GRIA1: variants seen among roughly 807,000 people sequenced by gnomAD.
GRIA1 encodes glutamate ionotropic receptor AMPA type subunit 1.
GRIA1 carries 31 observed loss-of-function variants against 99.2 expected under a neutral mutation model. The observed-to-expected ratio is 0.31, with a 90% CI of 0.23 to 0.42. The LOEUF (loss-of-function observed/expected upper bound fraction) is 0.42, where lower values mean the gene tolerates loss of function less well. GRIA1 is among the 10% of genes least tolerant of loss of function. GRIA1 has a pLI of 1.00. For missense variants in GRIA1, 782 were observed against 1,157.5 expected, an observed-to-expected ratio of 0.68 and a Z score of 4.71; for synonymous variants, 438 against 432.4, an observed-to-expected ratio of 1.01 and a Z score of -0.16.
At chr5:153,810,641 A>G (rs933931545) in intron 15 of GRIA1, among the ~76,000 whole-genome samples, 1 of 152,208 alleles carries the variant, frequency 6.6e-6, no homozygotes, top group African/African-American at 2.4e-5. Flanking sequence ...CATAACCAGA[A>G]CTAGAATCCA....
At chr5:153,626,607 A>T (rs1459693933) in intron 2 of GRIA1, among the ~76,000 whole-genome samples, 1 of 152,154 alleles carries the variant, frequency 6.6e-6, no homozygotes, top group Admixed American at 6.6e-5. Context: ...ACATTGGCAC[A>T]TTAGTTTCAG....
intron 13 of GRIA1, among the ~76,000 whole-genome samples, chr5:153,773,714 C>T (rs985436934): frequency 1.3e-5 from 2 of 152,054 alleles, no homozygotes; most frequent in African/African-American, 4.8e-5. Flanking sequence ...AATGAAAAAG[C>T]AACATGTTTC....
In GRIA1 at chr5:153,517,978, C is replaced by T. The variant is rs143068842; in HGVS notation, c.220+23913C>T. ...CCTCTCTCATGTAACTGGATTTCAG[C>T]CTTCCAGGCCTTCCTTCAGTTCCTT... On this transcript the variant is annotated intron_variant, in intron 2 of 15. Transcript: ENST00000285900. Among the ~76,000 whole-genome samples, 15 of 152,344 alleles carry T rather than the reference C, an allele frequency of 9.8e-5. No homozygotes were observed. In the East Asian group the frequency reaches 2.1e-3, roughly 22 times the overall value.
At position 153,811,215 on chromosome 5, in the gene GRIA1, C is replaced by G. The variant is rs756806575; in HGVS notation, c.2711C>G (p.Thr904Arg). Residue 904 changes from threonine (T) to arginine (R), a missense_variant, in exon 16 of 16, where the codon ACG becomes AGG. By Grantham distance (71) the Thr-to-Arg change is moderately conservative. This residue lies in a region of GRIA1 where 76 missense variants were observed against 81.2 expected (regional missense o/e 0.94). Coordinates refer to ENST00000285900, the MANE Select transcript of GRIA1 (RefSeq NM_000827.4). ...AGTTCAGGGATGCCCTTGGGAGCCA[C>G]GGGATTGTAACTGGAGCAGATGGAG... Reference protein sequence around the residue: ...SHSSGMPLGATGL With the variant: ...SHSSGMPLGARGL The G allele has an allele frequency of 6.2e-7, 1 of 1,613,542 alleles. No homozygotes were observed. The highest frequency in any genetic ancestry group is 1.1e-5 in the South Asian group (1 of 91,066).
intron 11 of GRIA1, among the ~76,000 whole-genome samples, chr5:153,739,072 A>G (rs1347087718): frequency 7.2e-6 from 1 of 138,544 alleles, no homozygotes; most frequent in Non-Finnish European, 1.5e-5. Flanking sequence ...TCCATTCTGC[A>G]AGGCAGGGAT....
intron 11 of GRIA1, among the ~76,000 whole-genome samples, chr5:153,759,668 A>T (rs903788283): frequency 1.3e-5 from 2 of 152,042 alleles, no homozygotes; most frequent in Non-Finnish European, 2.9e-5. Flanking sequence ...TTCCAAAAAA[A>T]TTGAAAGGGA....
chr5:153,752,223 C>A (rs1433921753), intron 11 of GRIA1, among the ~76,000 whole-genome samples: 1 of 152,140 alleles, frequency 6.6e-6, no homozygotes, highest in Non-Finnish European at 1.5e-5. Flanking sequence ...GAGGTGAAAT[C>A]TTACTCACCT....
At chr5:153,724,626 C>G (rs1443358508) in intron 11 of GRIA1, among the ~76,000 whole-genome samples, 1 of 152,046 alleles carries the variant, frequency 6.6e-6, no homozygotes, top group Non-Finnish European at 1.5e-5. Flanking sequence ...CCGATGCGAT[C>G]AACTGGAAGA....
At chr5:153,537,415 G>A (rs911161589) in intron 2 of GRIA1, among the ~76,000 whole-genome samples, 3 of 152,030 alleles carry the variant, frequency 2.0e-5, no homozygotes, top group African/African-American at 4.8e-5. Context: ...TTCATTCTCC[G>A]CATGTCCCTG....
At chr5:153,574,075 T>TCAC (rs768354309) in intron 2 of GRIA1, among the ~76,000 whole-genome samples, 20 of 152,212 alleles carry the variant, frequency 1.3e-4, no homozygotes, top group Non-Finnish European at 2.1e-4. Flanking sequence ...AACACAGTGA[T>TCAC]AAGTAACTGG....
chr5:153,717,094 G>T (rs1415332934), intron 11 of GRIA1, among the ~76,000 whole-genome samples: 3 of 152,156 alleles, frequency 2.0e-5, no homozygotes, highest in Admixed American at 2.0e-4. Flanking sequence ...GAAGTCGTGG[G>T]TTATGGTCTT....
chr5:153,589,636 T>G (rs1489355224), intron 2 of GRIA1, among the ~76,000 whole-genome samples: 2 of 152,192 alleles, frequency 1.3e-5, no homozygotes, highest in Non-Finnish European at 2.9e-5. Flanking sequence ...ATAATAAATA[T>G]GTCTTGAAAT....
chr5:153,674,481 C>T lies in GRIA1; in HGVS notation c.700-19C>T, dbSNP rs1408910137. Reference sequence around the variant, plus strand: ...TCCAGGCAGCATGTTCTAACTTCTCCCTCCTCCCCCTCTCACAGGGCTTCA... The same window carrying T: ...TCCAGGCAGCATGTTCTAACTTCTCTCTCCTCCCCCTCTCACAGGGCTTCA... On this transcript the variant is annotated intron_variant, in intron 5 of 15. Coordinates refer to ENST00000285900, the MANE Select transcript of GRIA1 (RefSeq NM_000827.4). The T allele has an allele frequency of 1.2e-6, 2 of 1,613,632 alleles. No individual in the cohort carries two copies. The highest frequency in any genetic ancestry group is 1.7e-5 in the Admixed American group (1 of 60,012).
At chr5:153,501,774 G>A (rs545637134) in intron 2 of GRIA1, among the ~76,000 whole-genome samples, 2 of 152,328 alleles carry the variant, frequency 1.3e-5, no homozygotes, top group Admixed American at 1.3e-4. Context: ...ACTTGGTTTA[G>A]GGGTGCGTTG....
At chr5:153,794,082 C>A (rs148835802) in intron 13 of GRIA1, among the ~76,000 whole-genome samples, 8 of 152,276 alleles carry the variant, frequency 5.3e-5, no homozygotes, top group Admixed American at 3.9e-4. Flanking sequence ...CTAATTATTT[C>A]TTTATGTGAC....
At chr5:153,585,299 C>CTTTT (rs10586598) in intron 2 of GRIA1, among the ~76,000 whole-genome samples, 33 of 70,138 alleles carry the variant, frequency 4.7e-4, no homozygotes, top group Non-Finnish European at 4.6e-4. Flanking sequence ...TTCTCTCTCT[C>CTTTT]TTTTTTTTTT....
At chr5:153,626,865 C>T (rs980298632) in intron 2 of GRIA1, among the ~76,000 whole-genome samples, 16 of 152,060 alleles carry the variant, frequency 1.1e-4, no homozygotes, top group Admixed American at 9.8e-4. Context: ...GTAGGAAATA[C>T]GATGGACAAG....
intron 2 of GRIA1, among the ~76,000 whole-genome samples, chr5:153,618,890 T>G (rs1428071083): frequency 6.6e-6 from 1 of 152,222 alleles, no homozygotes; most frequent in Non-Finnish European, 1.5e-5. Context: ...TAGAAACTAT[T>G]AGGATATTTT....
At chr5:153,555,160 T>A (rs1461474270) in intron 2 of GRIA1, among the ~76,000 whole-genome samples, 1 of 151,832 alleles carries the variant, frequency 6.6e-6, no homozygotes, top group Non-Finnish European at 1.5e-5. Flanking sequence ...ACCTTTTTTA[T>A]AGACTTTAGA....
Sources: allele counts gnomAD v4.1 joint callset (sites outside exome capture counted in the v4.1 genomes callset), GRCh38; gene constraint gnomAD v4.1.1; regional missense constraint gnomAD v4.1.1; transcripts MANE v1.5; gene names NCBI Gene and HGNC (gene_info 2026-07-23, HGNC 2026-07-21).